The following ADGRA3 variants were observed in gnomAD, a reference collection of about 807,000 sequenced individuals.
The protein encoded by ADGRA3 is G-protein coupled receptor 125.
Under a neutral mutation model 119.8 loss-of-function variants are expected in ADGRA3, and 56 were observed. The ratio of observed to expected loss-of-function variants is 0.47; its 90% confidence interval spans 0.38 to 0.58. The LOEUF (loss-of-function observed/expected upper bound fraction) is 0.58. Among genes scored for constraint, ADGRA3 ranks in the 20% least tolerant of loss-of-function variants. ADGRA3 has a pLI of 0.00. For synonymous variants in ADGRA3, 607 were observed against 623.8 expected (o/e 0.97, Z 0.40); for missense variants, 1,516 against 1,649.0 (o/e 0.92, Z 1.40).
rs1387020032 is a variant in ADGRA3 at position 22,424,252 on chromosome 4, A to G, written c.1544T>C (p.Val515Ala). The stretch of plus-strand genomic sequence containing the variant: ...GGTAGCAATGCGCTGAAGACACTGC[A>G]CAATCCTACTGCAGGCTTTAGCTTC... ...QREAKACSRI[V>A]QCLQRIATYR... The change falls in exon 11 of 19, where the codon GTG becomes GCG. Residue 515 changes from valine to alanine, a missense_variant. Around this residue, in one of 2 missense-constraint regions of ADGRA3, gnomAD observed 1,088 missense variants for 1,107.1 expected, o/e 0.98. Coordinates refer to ENST00000334304, the MANE Select transcript of ADGRA3 (RefSeq NM_145290.4). The G allele has an allele frequency of 6.2e-7, 1 of 1,613,652 alleles. No individual in the cohort carries two copies. The highest frequency in any genetic ancestry group is 1.7e-5 in the Admixed American group (1 of 60,020).
In ADGRA3 at chr4:22,514,074, G is replaced by A. The variant is rs184428703; in HGVS notation, c.257+1454C>T. Among the ~76,000 whole-genome samples, 272 of 152,130 alleles carry A rather than the reference G, an allele frequency of 1.8e-3. 1 individual carries two copies. Among genetic ancestry groups the A allele is most frequent in the Non-Finnish European group, 3.0e-3 (207 of 68,010 alleles). Reference sequence around the variant, plus strand: ...TGGACACTTTTAGGTCAGAAAAACTGGACCTAAACATGAGTCAACGTAAAT... The same window carrying A: ...TGGACACTTTTAGGTCAGAAAAACTAGACCTAAACATGAGTCAACGTAAAT... On this transcript the variant is annotated intron_variant, in intron 1 of 18. Transcript: ENST00000334304.
chr4:22,391,509 T>C (rs1371766162), intron 17 of ADGRA3, among the ~76,000 whole-genome samples: 2 of 152,154 alleles, frequency 1.3e-5, no homozygotes, highest in African/African-American at 4.8e-5. Context: ...ACTTGTGTCC[T>C]CTTCTGTGTT....
In ADGRA3 at chr4:22,392,664, G is replaced by A; in HGVS notation, c.2508C>T (p.Thr836=). The change falls in exon 17 of 19, where the codon ACC becomes ACT. Residue 836 remains threonine, a synonymous_variant. Coordinates refer to ENST00000334304, the MANE Select transcript of ADGRA3 (RefSeq NM_145290.4). ...CTCCTACCCATAGTACTGTGGCAAG[G>A]GTGGAATAGTGAAGAATTATCCCAA... ...QAVGIILHYS[T]LATVLWVGVT... 6.2e-7 allele frequency: 1 copy of A among 1,612,996 alleles called. No homozygotes were observed. The highest frequency in any genetic ancestry group is 8.5e-7 in the Non-Finnish European group (1 of 1,179,636).
At chr4:22,455,168 C>T (rs373114754) in intron 3 of ADGRA3, among the ~76,000 whole-genome samples, 1 of 152,154 alleles carries the variant, frequency 6.6e-6, no homozygotes, top group Non-Finnish European at 1.5e-5. Flanking sequence ...TTATAGTGCC[C>T]TCTATATTTC....
chr4:22,508,760 T>C (rs1560353288), intron 1 of ADGRA3, among the ~76,000 whole-genome samples: 1 of 152,054 alleles, frequency 6.6e-6, no homozygotes, highest in Non-Finnish European at 1.5e-5. Context: ...GCACTGACCA[T>C]CTCCCTTTGA....
At chr4:22,419,731 T>A (rs1715571929) in intron 12 of ADGRA3, among the ~76,000 whole-genome samples, 2 of 152,302 alleles carry the variant, frequency 1.3e-5, no homozygotes, top group South Asian at 4.1e-4. Context: ...TTGCTGTTTC[T>A]AGTCTTTTAT....
intron 1 of ADGRA3, among the ~76,000 whole-genome samples, chr4:22,510,691 C>A (rs1412510710): frequency 4.6e-5 from 7 of 152,164 alleles, no homozygotes; most frequent in African/African-American, 1.7e-4. Context: ...CTCCCGAATG[C>A]CTTCTCCCCA....
At chr4:22,479,340 G>A (rs1455840999) in intron 1 of ADGRA3, among the ~76,000 whole-genome samples, 1 of 152,104 alleles carries the variant, frequency 6.6e-6, no homozygotes, top group African/African-American at 2.4e-5. Context: ...GAGGGCACCC[G>A]TAGTCCCAGC....
chr4:22,433,590 C>A (rs2109057093), intron 10 of ADGRA3, among the ~76,000 whole-genome samples: 1 of 152,246 alleles, frequency 6.6e-6, no homozygotes, highest in African/African-American at 2.4e-5. Flanking sequence ...GCAAACAGTT[C>A]AACATACACC....
At chr4:22,495,330 T>C (rs1202148040) in intron 1 of ADGRA3, among the ~76,000 whole-genome samples, 2 of 151,986 alleles carry the variant, frequency 1.3e-5, no homozygotes, top group Non-Finnish European at 2.9e-5. Context: ...TCCCAGCACA[T>C]TGAGAGTCGG....
intron 1 of ADGRA3, among the ~76,000 whole-genome samples, chr4:22,504,167 GAAAAA>G (rs1229762553): frequency 6.7e-6 from 1 of 150,202 alleles, no homozygotes; most frequent in Non-Finnish European, 1.5e-5. Flanking sequence ...GAGTACTCAA[GAAAAA>G]AAGATTGCAA....
At chr4:22,403,387 G>T (rs1714754774) in intron 14 of ADGRA3, among the ~76,000 whole-genome samples, 1 of 152,002 alleles carries the variant, frequency 6.6e-6, no homozygotes, top group African/African-American at 2.4e-5. Context: ...AATGTTTGAT[G>T]AAGATAAGTC....
chr4:22,504,059 AT>A (rs1301493097), intron 1 of ADGRA3, among the ~76,000 whole-genome samples: 2 of 152,180 alleles, frequency 1.3e-5, no homozygotes, highest in Non-Finnish European at 2.9e-5. Flanking sequence ...AAAATTCTAA[AT>A]AGAATGAAGC....
rs184551571 is a variant in ADGRA3, at chr4:22,509,786, G to A, written c.257+5742C>T. Among the ~76,000 whole-genome samples, 20 of 151,872 alleles carry A rather than the reference G, an allele frequency of 1.3e-4. 2 individuals carry two copies. Among genetic ancestry groups the A allele is most frequent in the African/African-American group, 2.7e-4 (11 of 41,422 alleles). On this transcript the variant is annotated intron_variant, in intron 1 of 18. Transcript: ENST00000334304. ...AGCACTTTGGGAGGCCGAGGCGGGCGGATCACGAGGTCAGGAGATCGAGAC... is the reference window on the plus strand; with the variant it reads ...AGCACTTTGGGAGGCCGAGGCGGGCAGATCACGAGGTCAGGAGATCGAGAC...
At chr4:22,410,646 A>T (rs959545915) in intron 14 of ADGRA3, among the ~76,000 whole-genome samples, 2 of 152,142 alleles carry the variant, frequency 1.3e-5, no homozygotes, top group Non-Finnish European at 2.9e-5. Flanking sequence ...AATATAAGGA[A>T]AAAAGACACT....
At chr4:22,509,870 C>T (rs1719383882) in intron 1 of ADGRA3, among the ~76,000 whole-genome samples, 1 of 151,860 alleles carries the variant, frequency 6.6e-6, no homozygotes, top group Non-Finnish European at 1.5e-5. Context: ...ATTAGCCCGG[C>T]GTGGTAGCGG....
chr4:22,390,395 TATATATAAAATAC>T lies in ADGRA3; in HGVS notation c.2628-1225_2628-1213del, dbSNP rs1714083398. On this transcript the variant is annotated intron_variant, in intron 17 of 18. Transcript: ENST00000334304. The stretch of plus-strand genomic sequence containing the variant: ...ATATATATATAATACGTATTATATA[TATATATAAAATAC>T]GTATTATATATATATAATACGTATT... Among the ~76,000 whole-genome samples, 2 of 24,734 alleles carry T rather than the reference TATATATAAAATAC, an allele frequency of 8.1e-5. 1 individual carries two copies. The highest frequency in any genetic ancestry group is 2.2e-4 in the Non-Finnish European group (2 of 9,008). 16.2% of individuals were successfully genotyped at this position (24,734 alleles called of 152,430 possible).
At chr4:22,500,368 G>T (rs1031709481) in intron 1 of ADGRA3, among the ~76,000 whole-genome samples, 1 of 152,204 alleles carries the variant, frequency 6.6e-6, no homozygotes, top group South Asian at 2.1e-4. Flanking sequence ...AGACAATACG[G>T]AGCTCATAAA....
Position 22,420,877 on chromosome 4 carries a change from G to A in ADGRA3, c.1809+9C>T, listed in dbSNP as rs1311154786. 6.2e-7 allele frequency: 1 copy of A among 1,609,238 alleles called. No individual in the cohort carries two copies. Among genetic ancestry groups the A allele is most frequent in the Non-Finnish European group, 8.5e-7 (1 of 1,175,536 alleles). ...AAATAGTCTTAAATGATTGCAGAAT[G>A]TAACATACCTTTAGTGCCAGACTCG... On this transcript the variant is annotated intron_variant, in intron 12 of 18. Coordinates refer to ENST00000334304, the MANE Select transcript of ADGRA3 (RefSeq NM_145290.4).
Sources: gnomAD v4.1 joint callset for allele counts (sites outside exome capture counted in the v4.1 genomes callset) on GRCh38, gnomAD v4.1.1 for gene constraint, gnomAD v4.1.1 regional missense constraint, MANE v1.5 for transcripts, NCBI Gene and HGNC (gene_info 2026-07-23, HGNC 2026-07-21) for gene names.